Variants in CCL25 observed in about 807,000 individuals in gnomAD.
The protein encoded by CCL25 is C-C motif chemokine ligand 25.
In CCL25, 14 loss-of-function variants were observed where a neutral mutation model predicts 19.9. The ratio of observed to expected loss-of-function variants is 0.70; its 90% CI spans 0.47 to 1.10. CCL25 has a LOEUF of 1.10. CCL25 is among the 50% of genes least tolerant of loss of function. The pLI, the probability that CCL25 is intolerant of heterozygous loss-of-function variation, is 0.00. For missense variants in CCL25, 151 were observed against 181.2 expected, an observed-to-expected ratio of 0.83 and a Z score of 0.96; for synonymous variants, 68 against 73.2, an observed-to-expected ratio of 0.93 and a Z score of 0.36.
At chr19:8,060,881 T>C (rs747458307) in intron 5 of CCL25, among the ~76,000 whole-genome samples, 35 of 151,552 alleles carry the variant, frequency 2.3e-4, no homozygotes, top group Admixed American at 5.3e-4. Context: ...GGGGTTTCAC[T>C]GTGTTAGCCA....
chr19:8,057,590 C>T (rs1227404688), intron 4 of CCL25, among the ~76,000 whole-genome samples: 1 of 152,174 alleles, frequency 6.6e-6, no homozygotes, highest in Non-Finnish European at 1.5e-5. Flanking sequence ...CCTTGGCCTC[C>T]CAAAGTGCTG....
upstream of CCL25, among the ~76,000 whole-genome samples, chr19:8,052,404 C>T (rs984284416): frequency 7.2e-5 from 11 of 151,864 alleles, no homozygotes; most frequent in Admixed American, 1.3e-4. Flanking sequence ...AGTTGGGGAC[C>T]CACCAGGGAA....
intron 2 of CCL25, among the ~76,000 whole-genome samples, chr19:8,054,764 G>A (rs1175976732): frequency 6.6e-6 from 1 of 151,366 alleles, no homozygotes; most frequent in Admixed American, 6.6e-5. Context: ...TAATTCATCT[G>A]TGTGTTTCAT....
At chr19:8,052,516 T>C (rs1169291858), upstream of CCL25, among the ~76,000 whole-genome samples, 1 of 150,054 alleles carries the variant, frequency 6.7e-6, no homozygotes, top group African/African-American at 2.4e-5. Context: ...ACCAGGTGTG[T>C]GCAGGTGAGG....
Position 8,056,304 on chromosome 19 carries a change from GCA to G in CCL25, c.191+42_191+43del, listed in dbSNP as rs764883215. The stretch of plus-strand genomic sequence containing the variant: ...GCCGTGGGGGCTGGGGGGGTGGGGT[GCA>G]CACACAGCCTTGCTGCCAGCCTACA... On this transcript the variant is annotated intron_variant, in intron 3 of 5. Transcript: ENST00000315626. The G allele has an allele frequency of 2.5e-6, 4 of 1,600,030 alleles. No individual in the cohort carries two copies. In the African/African-American group the frequency reaches 5.4e-5, roughly 21 times the overall value.
chr19:8,060,651 G>A (rs888426836), intron 5 of CCL25, among the ~76,000 whole-genome samples: 2 of 151,820 alleles, frequency 1.3e-5, no homozygotes, highest in African/African-American at 4.8e-5. Context: ...CCGAGTAGCT[G>A]GGACTGCAGG....
chr19:8,059,158 ATAATATAT>A (rs2081300542), intron 5 of CCL25, among the ~76,000 whole-genome samples: 2 of 39,658 alleles, frequency 5.0e-5, no homozygotes, highest in African/African-American at 2.3e-4. Context: ...TATAATATAT[ATAATATAT>A]AATATATATA....
intron 5 of CCL25, among the ~76,000 whole-genome samples, chr19:8,059,395 C>T (rs1046296388): frequency 2.7e-5 from 4 of 150,934 alleles, no homozygotes; most frequent in African/African-American, 9.7e-5. Context: ...GATGGGGTTT[C>T]GTCATGTTGC....
At chr19:8,055,536 G>C (rs928389167) in intron 2 of CCL25, among the ~76,000 whole-genome samples, 1 of 151,154 alleles carries the variant, frequency 6.6e-6, no homozygotes, top group Non-Finnish European at 1.5e-5. Context: ...GGGTTTCACC[G>C]TGTTAGCCAG....
At position 8,062,212 on chromosome 19, in the gene CCL25, C is replaced by T; in HGVS notation, c.446-6C>T. The stretch of plus-strand genomic sequence containing the variant: ...TTTACTTCGGCCTCTCTCATTGCTT[C>T]TGCAGGACTGTGAGCCGGCTCATTT... On this transcript the variant is annotated splice_region_variant and splice_polypyrimidine_tract_variant and intron_variant, in intron 5 of 5. Transcript: ENST00000315626. 6.2e-7 allele frequency: 1 copy of T among 1,612,948 alleles called. No individual in the cohort carries two copies. Among genetic ancestry groups the T allele is most frequent in the Non-Finnish European group, 8.5e-7 (1 of 1,179,986 alleles).
chr19:8,059,129 AAATATATATTATATAATATAT>A (rs2081299120), intron 5 of CCL25, among the ~76,000 whole-genome samples: 2 of 96,226 alleles, frequency 2.1e-5, no homozygotes, highest in Non-Finnish European at 3.9e-5. Flanking sequence ...AAATATATAT[AAATATATATTATATAATATAT>A]AATATATATA....
chr19:8,057,983 G>A (rs980711766), intron 5 of CCL25, 63 bp downstream of exon 5: 19 of 1,573,290 alleles, frequency 1.2e-5, no homozygotes, highest in Middle Eastern at 1.7e-4. Flanking sequence ...TTGAGGGCTC[G>A]TGATTGGCTC....
rs980604791 is a variant in CCL25, at chr19:8,058,505, ATATAT to A, written c.445+591_445+595del. On this transcript the variant is annotated intron_variant, in intron 5 of 5. Transcript: ENST00000315626. ...ATAAATATATAATATATATAAGTAA[ATATAT>A]TATATATAATATATAAATAATATAT... is the stretch of plus-strand genomic sequence containing the variant. Among the ~76,000 whole-genome samples the A allele has an allele frequency of 5.8e-4, 65 of 112,108 alleles. 4 individuals carry two copies. The highest frequency in any genetic ancestry group is 1.2e-3 in the South Asian group (5 of 4,282). The allele number at this position is 112,108 out of a possible 152,430, so 73.5% of individuals were successfully genotyped here. A position where few individuals can be genotyped will look rare whatever the true frequency, so the allele number is the denominator to read the frequency against.
In CCL25 at chr19:8,057,809, C is replaced by T; in HGVS notation, c.334C>T (p.His112Tyr). Residue 112 changes from histidine (H) to tyrosine (Y), a missense_variant, in exon 5 of 6, where the codon CAT becomes TAT. Coordinates refer to ENST00000315626, the MANE Select transcript of CCL25 (RefSeq NM_005624.4). ...HNTQTFQAGP[H>Y]AVKKLSSGNS... ...TCTCTCCATTTCTCCAGCAGGCCCT[C>T]ATGCTGTAAAGAAGTTGAGTTCTGG... 3 of 1,612,782 alleles carry T rather than the reference C, an allele frequency of 1.9e-6. No homozygotes were observed. The highest frequency in any genetic ancestry group is 2.5e-6 in the Non-Finnish European group (3 of 1,179,140).
At chr19:8,061,135 T>C (rs1248438556) in intron 5 of CCL25, among the ~76,000 whole-genome samples, 2 of 151,834 alleles carry the variant, frequency 1.3e-5, no homozygotes, top group Admixed American at 1.3e-4. Flanking sequence ...ATCATAGGCA[T>C]GCACCACCAC....
intron 4 of CCL25, among the ~76,000 whole-genome samples, chr19:8,056,729 G>A (rs1046610922): frequency 6.6e-6 from 1 of 152,238 alleles, no homozygotes; most frequent in African/African-American, 2.4e-5. Context: ...GCCCAGGCTG[G>A]AGTGCAGTAG....
intron 4 of CCL25, among the ~76,000 whole-genome samples, chr19:8,057,479 A>G (rs1009605811): frequency 2.6e-5 from 4 of 152,074 alleles, no homozygotes; most frequent in Non-Finnish European, 4.4e-5. Flanking sequence ...ACAGGCACAC[A>G]CCACCATGCC....
At chr19:8,053,712 T>C (rs2081249183) in intron 2 of CCL25, among the ~76,000 whole-genome samples, 1 of 151,704 alleles carries the variant, frequency 6.6e-6, no homozygotes, top group Admixed American at 6.6e-5. Flanking sequence ...CATGCCCGGC[T>C]AATTTTTGTA....
At chr19:8,052,905 C>T in intron 1 of CCL25, 83 bp downstream of exon 1, 1 of 553,058 alleles carries the variant, frequency 1.8e-6, no homozygotes, top group South Asian at 2.5e-5. Context: ...AACCTCCTTC[C>T]CTTGCCATAT....
Sources: allele counts gnomAD v4.1 joint callset (sites outside exome capture counted in the v4.1 genomes callset), GRCh38; gene constraint gnomAD v4.1.1; transcripts MANE v1.5; gene names NCBI Gene and HGNC (gene_info 2026-07-23, HGNC 2026-07-21).